NAA16: variants seen among roughly 807,000 people sequenced by gnomAD.
NAA16 encodes NARG1-like protein.
NAA16 carries 97 observed loss-of-function variants against 110.3 expected under a neutral mutation model. The ratio of observed to expected loss-of-function variants is 0.88; its 90% CI spans 0.75 to 1.04. The LOEUF is 1.04. Among genes scored for constraint, NAA16 ranks in the 50% least tolerant of loss-of-function variants. The pLI, the probability that NAA16 is intolerant of heterozygous loss-of-function variation, is 0.00. For synonymous variants in NAA16, 372 were observed against 330.6 expected (o/e 1.13, Z -1.36); for missense variants, 1,017 against 1,005.1 (o/e 1.01, Z -0.16).
At chr13:41,353,878 A>G (rs181292396) in intron 9 of NAA16, among the ~76,000 whole-genome samples, 3 of 152,266 alleles carry the variant, frequency 2.0e-5, no homozygotes, top group East Asian at 3.9e-4. Flanking sequence ...AGTATTATTA[A>G]TGATCTGAAG....
intron 6 of NAA16, 116 bp downstream of exon 6, chr13:41,325,967 C>T (rs190629026): frequency 1.5e-4 from 109 of 735,510 alleles, no homozygotes; most frequent in Non-Finnish European, 1.9e-4. Context: ...GTTCCAAACA[C>T]GATTATTAAG....
At chr13:41,356,547 A>G (rs2042992477) in intron 10 of NAA16, among the ~76,000 whole-genome samples, 2 of 151,104 alleles carry the variant, frequency 1.3e-5, no homozygotes, top group Admixed American at 1.3e-4. Context: ...ACCTCATAAC[A>G]TAATATCTGA....
intron 17 of NAA16, 22 bp from the exon 18 acceptor site, chr13:41,373,615 C>A (rs915393186): frequency 6.5e-7 from 1 of 1,541,480 alleles, no homozygotes; most frequent in South Asian, 1.2e-5. Context: ...AACAAAAAAT[C>A]CAAATGTTTT....
rs754545813 is a variant in NAA16, at chr13:41,375,604, ATCT to A, written c.*6_*8del. 1 of 1,610,828 alleles carries A rather than the reference ATCT, an allele frequency of 6.2e-7. No homozygotes were observed. The highest frequency in any genetic ancestry group is 8.5e-7 in the Non-Finnish European group (1 of 1,177,728). On this transcript the variant is annotated 3_prime_UTR_variant, in exon 20 of 20. Coordinates refer to ENST00000379406, the MANE Select transcript of NAA16 (RefSeq NM_024561.5). Reference sequence around the variant, plus strand: ...GATGTCTTGGCAAATGAAATTTGAAATCTTCTAGAAAGTAGACTCCTATAGACT... The same window carrying A: ...GATGTCTTGGCAAATGAAATTTGAAATCTAGAAAGTAGACTCCTATAGACT...
chr13:41,311,433 T>C lies in NAA16; in HGVS notation c.-96T>C. 7 of 1,213,104 alleles carry C rather than the reference T, an allele frequency of 5.8e-6. No individual in the cohort carries two copies. Among genetic ancestry groups the C allele is most frequent in the Non-Finnish European group, 8.3e-6 (7 of 848,272 alleles). The allele number at this position is 1,213,104 out of a possible 1,614,324, so 75.1% of individuals were successfully genotyped here. ...ACTAATCCATCGCCCGCAGCCCGAC[T>C]CTCAGCAGCGGTTCGTCCCGGTGCC... On this transcript the variant is annotated 5_prime_UTR_variant, in exon 1 of 20. Transcript: ENST00000379406.
intron 9 of NAA16, 50 bp from the exon 10 acceptor site, chr13:41,355,094 A>ATT (rs1360720691): frequency 1.7e-6 from 2 of 1,179,700 alleles, no homozygotes; most frequent in Non-Finnish European, 2.4e-6. Flanking sequence ...ATAGGTAAAA[A>ATT]TACCTTCAAG....
intron 1 of NAA16, among the ~76,000 whole-genome samples, chr13:41,312,486 C>G: frequency 6.6e-6 from 1 of 152,132 alleles, no homozygotes; most frequent in African/African-American, 2.4e-5. Flanking sequence ...CCTCAGTATC[C>G]TCTGGCTACC....
At position 41,323,119 on chromosome 13, in the gene NAA16, A is replaced by G. The variant is rs1461653538; in HGVS notation, c.466A>G (p.Ile156Val). The G allele has an allele frequency of 9.3e-6, 15 of 1,613,972 alleles. No individual in the cohort carries two copies. Among genetic ancestry groups the G allele is most frequent in the Middle Eastern group, 1.6e-4 (1 of 6,062 alleles). The change falls in exon 5 of 20, where the codon ATT (isoleucine) becomes GTT (valine). Residue 156 changes from isoleucine to valine, a missense_variant. Physicochemically the swap from Ile to Val is conservative, Grantham distance 29 (BLOSUM62 3). Coordinates refer to ENST00000379406, the MANE Select transcript of NAA16 (RefSeq NM_024561.5). ...TQRASWIGYA[I>V]AYHLLKDYDM... ...GCGTGCCTCCTGGATTGGATATGCTATTGCATACCATTTGCTGAAAGATTA... is the reference window on the plus strand; with the variant it reads ...GCGTGCCTCCTGGATTGGATATGCTGTTGCATACCATTTGCTGAAAGATTA...
Position 41,362,013 on chromosome 13 carries a change from T to C in NAA16, c.1411-18T>C. ...TTTCATTGTTTGCTCTCTATAGTTT[T>C]GAATGCTTCCATTTCAGGAAGGAAC... On this transcript the variant is annotated intron_variant, in intron 12 of 19. Transcript: ENST00000379406. 1 of 1,610,440 alleles carries C rather than the reference T, an allele frequency of 6.2e-7. No homozygotes were observed. Among genetic ancestry groups the C allele is most frequent in the Non-Finnish European group, 8.5e-7 (1 of 1,178,636 alleles).
intron 4 of NAA16, among the ~76,000 whole-genome samples, chr13:41,321,808 A>G (rs1400414263): frequency 6.6e-5 from 10 of 152,238 alleles, no homozygotes; most frequent in African/African-American, 2.4e-4. Context: ...AGGTTCTAAC[A>G]GTTTTCTTTA....
At chr13:41,374,678 GT>G in intron 18 of NAA16, 63 bp from the exon 19 acceptor site, 1 of 1,100,260 alleles carries the variant, frequency 9.1e-7, no homozygotes, top group East Asian at 2.4e-5. Flanking sequence ...TCACTGGCCA[GT>G]TGATATCACA....
At position 41,311,269 on chromosome 13, in the gene NAA16, A is replaced by G. The variant is rs2041541828; in HGVS notation, c.-260A>G. The G allele has an allele frequency of 5.5e-6, 3 of 549,234 alleles. No homozygotes were observed. The highest frequency in any genetic ancestry group is 6.6e-5 in the East Asian group (2 of 30,484). 34.0% of individuals were successfully genotyped at this position (549,234 alleles called of 1,614,324 possible). A position where few individuals can be genotyped will look rare whatever the true frequency, so the allele number is the denominator to read the frequency against. On this transcript the variant is annotated 5_prime_UTR_variant, in exon 1 of 20. Coordinates refer to ENST00000379406, the MANE Select transcript of NAA16 (RefSeq NM_024561.5). ...AGGCGGACCCTGGCTGCCATCTTGCAGTGCGCGGGAACCGCCGCCGCCGCC... is the reference window on the plus strand; with the variant it reads ...AGGCGGACCCTGGCTGCCATCTTGCGGTGCGCGGGAACCGCCGCCGCCGCC...
intron 9 of NAA16, among the ~76,000 whole-genome samples, chr13:41,349,224 C>T (rs2139464487): frequency 6.6e-6 from 1 of 151,930 alleles, no homozygotes; most frequent in Non-Finnish European, 1.5e-5. Context: ...CTTGCTCTAT[C>T]ACCCAGGCTG....
At chr13:41,364,464 AACTTG>A (rs1325858164) in intron 13 of NAA16, among the ~76,000 whole-genome samples, 6 of 152,238 alleles carry the variant, frequency 3.9e-5, no homozygotes, top group Admixed American at 6.5e-5. Flanking sequence ...TGATGTTTGA[AACTTG>A]ACTTTTATTA....
chr13:41,367,045 C>T (rs2043221106), intron 13 of NAA16, among the ~76,000 whole-genome samples: 1 of 152,098 alleles, frequency 6.6e-6, no homozygotes, highest in Non-Finnish European at 1.5e-5. Flanking sequence ...TAGTGTGAAC[C>T]TACACATATT....
intron 9 of NAA16, among the ~76,000 whole-genome samples, chr13:41,338,843 A>G (rs2042452598): frequency 6.6e-6 from 1 of 152,036 alleles, no homozygotes; most frequent in Non-Finnish European, 1.5e-5. Context: ...GATTTCTGAG[A>G]TTTTTGGTAC....
chr13:41,371,008 A>G (rs911377783), intron 15 of NAA16, among the ~76,000 whole-genome samples: 6 of 152,210 alleles, frequency 3.9e-5, no homozygotes, highest in Admixed American at 1.3e-4. Flanking sequence ...CACAGGATTT[A>G]TGACAGAGCC....
intron 15 of NAA16, among the ~76,000 whole-genome samples, chr13:41,369,526 C>T (rs2043275376): frequency 1.3e-5 from 2 of 152,128 alleles, no homozygotes; most frequent in African/African-American, 2.4e-5. Flanking sequence ...GTTCTGGTCC[C>T]CCCAGCCTGT....
At chr13:41,347,221 AAAAAAAC>A (rs1306004324) in intron 9 of NAA16, among the ~76,000 whole-genome samples, 25 of 55,058 alleles carry the variant, frequency 4.5e-4, no homozygotes, top group East Asian at 2.2e-3. Context: ...TCTCAAAAAA[AAAAAAAC>A]AAAAACAAAA....
Sources: allele counts gnomAD v4.1 joint callset (sites outside exome capture counted in the v4.1 genomes callset), GRCh38; gene constraint gnomAD v4.1.1; transcripts MANE v1.5; gene names NCBI Gene and HGNC (gene_info 2026-07-23, HGNC 2026-07-21).